HLA-DPA1: variants seen among roughly 807,000 people sequenced by gnomAD.
The protein encoded by HLA-DPA1 is HLA class II histocompatibility antigen, DP alpha 1 chain.
In HLA-DPA1, 20 loss-of-function variants were observed where a neutral mutation model predicts 21.5. The ratio of observed to expected loss-of-function variants is 0.93; its 90% CI spans 0.66 to 1.35. The LOEUF (loss-of-function observed/expected upper bound fraction) is 1.35. HLA-DPA1 is among the 40% of genes most tolerant of loss of function. The probability of loss-of-function intolerance (pLI) is 0.00; values close to 1 mark genes in which losing one functional copy is unlikely to be tolerated. For synonymous variants in HLA-DPA1, 123 were observed against 129.6 expected (o/e 0.95, Z 0.35); for missense variants, 279 against 323.0 (o/e 0.86, Z 1.05).
In HLA-DPA1 at chr6:33,069,636, C is replaced by A. The variant is rs116509985; in HGVS notation, c.346+5G>T. ...TACAGAGGAAGAGGCAAAGATAGGG[C>A]GTACCGTTGGTGGCCTGAGTGTGGT... On this transcript the variant is annotated splice_donor_5th_base_variant and intron_variant, in intron 3 of 5. Coordinates refer to ENST00000419277, the Ensembl canonical transcript of HLA-DPA1. 329,676 of 1,586,502 alleles carry A rather than the reference C, an allele frequency of 0.21. 46,619 individuals carry two copies. The highest frequency in any genetic ancestry group is 0.64 in the East Asian group (28,541 of 44,552).
rs1477548131 is a variant in HLA-DPA1 at position 33,080,705 on chromosome 6, A to G, written c.-125T>C. The G allele has an allele frequency of 1.2e-6, 2 of 1,613,198 alleles. No homozygotes were observed. Among genetic ancestry groups the G allele is most frequent in the Admixed American group, 1.7e-5 (1 of 60,020 alleles). ...CTTTTCCAGGGACGGCAGGAATGCT[A>G]CGCGTTTAATGGGACACAGCGCTTC... is the stretch of plus-strand genomic sequence containing the variant. On this transcript the variant is annotated 5_prime_UTR_variant, in exon 1 of 6. Transcript: ENST00000419277. The surrounding 1 kb of genome is among the most constrained non-coding windows in gnomAD (Gnocchi z 4.3).
exon 4 of HLA-DPA1, chr6:33,069,076 A>G (rs1042308): frequency 1.2e-6 from 2 of 1,612,742 alleles, no homozygotes; most frequent in Non-Finnish European, 1.7e-6. Context: ...CAGTCATAGA[A>G]GTCCTCTGCT....
At chr6:33,076,901 G>C (rs1017016673) in intron 1 of HLA-DPA1, among the ~76,000 whole-genome samples, 10 of 152,014 alleles carry the variant, frequency 6.6e-5, no homozygotes, top group African/African-American at 2.2e-4. Flanking sequence ...TTTTCTCTCA[G>C]GATACTCTCA....
chr6:33,069,197 G>A, exon 4 of HLA-DPA1: 1 of 1,612,974 alleles, frequency 6.2e-7, no homozygotes, highest in South Asian at 1.1e-5. Context: ...ACAGCCACGT[G>A]ACGTTGAGCA....
At chr6:33,068,021 CAT>C (rs1272736892) in intron 5 of HLA-DPA1, 2 of 152,168 alleles carry the variant, frequency 1.3e-5, no homozygotes, top group African/African-American at 4.8e-5. Context: ...ATTCCCAAAA[CAT>C]ATAAAAATAT....
Position 33,078,397 on chromosome 6 carries a change from C to T in HLA-DPA1, c.-100+2283G>A, listed in dbSNP as rs933065908. Among the ~76,000 whole-genome samples, 10 of 152,304 alleles carry T rather than the reference C, an allele frequency of 6.6e-5. No individual in the cohort carries two copies. In the South Asian group the frequency reaches 1.0e-3, roughly 16 times the overall value. On this transcript the variant is annotated intron_variant, in intron 1 of 5. Coordinates refer to ENST00000419277, the Ensembl canonical transcript of HLA-DPA1. ...CTGCATGCTCCCCCAACTCCACACA[C>T]ATCCCCAACCTCAAACAGGGCACAA...
chr6:33,076,045 A>G, intron 1 of HLA-DPA1: 1 of 1,611,308 alleles, frequency 6.2e-7, no homozygotes, highest in Non-Finnish European at 8.5e-7. Flanking sequence ...CAGCTCCATG[A>G]TGGTTCTGCA....
chr6:33,071,457 A>C (rs1398540982), intron 2 of HLA-DPA1, among the ~76,000 whole-genome samples: 7 of 152,226 alleles, frequency 4.6e-5, no homozygotes, highest in Non-Finnish European at 1.0e-4. Context: ...AATGCTTTTT[A>C]AAAAACACTT....
At chr6:33,078,661 A>G (rs58309024) in intron 1 of HLA-DPA1, among the ~76,000 whole-genome samples, 7,485 of 152,142 alleles carry the variant, frequency 0.049, 331 homozygotes, top group African/African-American at 0.12. Context: ...ACACCATAAA[A>G]CCCCTCATTG....
intron 1 of HLA-DPA1, among the ~76,000 whole-genome samples, chr6:33,078,172 G>A (rs2856818): frequency 0.27 from 41,387 of 151,976 alleles, 5,986 homozygotes; most frequent in Admixed American, 0.38. Context: ...GTGATGCTGG[G>A]CAGTGAAAGG....
intron 2 of HLA-DPA1, 162 bp downstream of exon 1, chr6:33,073,309 C>A: frequency 1.8e-6 from 1 of 570,816 alleles, no homozygotes; most frequent in Non-Finnish European, 3.1e-6. Context: ...CTCATAAATT[C>A]TGGCTGTTAT....
chr6:33,078,764 T>G (rs1762684995), intron 1 of HLA-DPA1, among the ~76,000 whole-genome samples: 1 of 152,194 alleles, frequency 6.6e-6, no homozygotes, highest in Non-Finnish European at 1.5e-5. Context: ...AATTAAATGT[T>G]GCAAAGAAAA....
chr6:33,078,497 G>A (rs183007250), intron 1 of HLA-DPA1, among the ~76,000 whole-genome samples: 2 of 152,264 alleles, frequency 1.3e-5, no homozygotes, highest in Admixed American at 1.3e-4. Flanking sequence ...CAACCCATAG[G>A]GAGCTAGAGG....
intron 5 of HLA-DPA1, chr6:33,065,580 C>G (rs72500558): frequency 0.29 from 43,829 of 151,916 alleles, 8,334 homozygotes; most frequent in East Asian, 0.68. Context: ...GACTGTGAGG[C>G]CATCCCACAT....
intron 1 of HLA-DPA1, among the ~76,000 whole-genome samples, chr6:33,074,637 A>G (rs1762448010): frequency 6.6e-6 from 1 of 152,212 alleles, no homozygotes; most frequent in African/African-American, 2.4e-5. Flanking sequence ...ACCTTGCATA[A>G]ATAATAATTA....
chr6:33,079,995 T>A (rs923669142), intron 1 of HLA-DPA1: 12 of 223,332 alleles, frequency 5.4e-5, no homozygotes, highest in Non-Finnish European at 9.9e-5. Flanking sequence ...TTGTGTAAAA[T>A]ACTTTCCACA....
At chr6:33,066,998 G>A (rs1484103385) in intron 5 of HLA-DPA1, 1 of 152,216 alleles carries the variant, frequency 6.6e-6, no homozygotes, top group African/African-American at 2.4e-5. Context: ...CTGATGAGAA[G>A]ATGAGCAGTG....
In HLA-DPA1 at chr6:33,068,999, AG is replaced by A; in HGVS notation, c.628+19del. The A allele has an allele frequency of 3.1e-6, 5 of 1,609,978 alleles. No individual in the cohort carries two copies. The highest frequency in any genetic ancestry group is 4.2e-6 in the Non-Finnish European group (5 of 1,177,736). ...AATAGAGGATGCCAGGAGATTATGG[AG>A]AGAAAAGCAGTTGCATACCCCAGTG... On this transcript the variant is annotated intron_variant, in intron 4 of 5. Coordinates refer to ENST00000419277, the Ensembl canonical transcript of HLA-DPA1.
chr6:33,078,710 T>C (rs1762682236), intron 1 of HLA-DPA1, among the ~76,000 whole-genome samples: 1 of 152,162 alleles, frequency 6.6e-6, no homozygotes, highest in African/African-American at 2.4e-5. Context: ...ATTTCAAAAG[T>C]TAAATGTACT....
Sources: allele counts gnomAD v4.1 joint callset (sites outside exome capture counted in the v4.1 genomes callset), GRCh38; gene constraint gnomAD v4.1.1; non-coding constraint Gnocchi (gnomAD v3.1); transcripts MANE v1.5; gene names NCBI Gene and HGNC (gene_info 2026-07-23, HGNC 2026-07-21).